CACHD1: variants seen among roughly 807,000 people sequenced by gnomAD.
The protein encoded by CACHD1 is cache domain containing 1.
A neutral mutation model predicts 138.7 loss-of-function variants in CACHD1; 71 were observed. That is an observed-to-expected ratio of 0.51 (90% CI 0.42 to 0.62). The LOEUF (loss-of-function observed/expected upper bound fraction) is 0.62, where lower values mean the gene tolerates loss of function less well. Ranked by LOEUF, CACHD1 falls within the 20% of genes least tolerant of loss-of-function variation. The probability of loss-of-function intolerance (pLI) is 0.00; values close to 1 mark genes in which losing one functional copy is unlikely to be tolerated. For synonymous variants in CACHD1, 578 were observed against 591.5 expected, an observed-to-expected ratio of 0.98 and a Z score of 0.33; for missense variants, 1,389 against 1,625.3, an observed-to-expected ratio of 0.85 and a Z score of 2.50.
intron 26 of CACHD1, among the ~76,000 whole-genome samples, chr1:64,687,692 T>C (rs1650411976): frequency 6.6e-6 from 1 of 152,146 alleles, no homozygotes; most frequent in Middle Eastern, 3.4e-3. Context: ...AATGTCTGCA[T>C]TATTAGATGA....
At chr1:64,568,777 C>G (rs1247162638) in intron 2 of CACHD1, among the ~76,000 whole-genome samples, 3 of 152,140 alleles carry the variant, frequency 2.0e-5, no homozygotes, top group African/African-American at 7.2e-5. Context: ...TACATACACT[C>G]ATGCACACAC....
chr1:64,478,880 G>C (rs1195950934), intron 1 of CACHD1, among the ~76,000 whole-genome samples: 1 of 152,018 alleles, frequency 6.6e-6, no homozygotes, highest in Non-Finnish European at 1.5e-5. Flanking sequence ...TAGCCATGTG[G>C]GTCCAATGTT....
chr1:64,566,162 G>GGT (rs1479319391), intron 2 of CACHD1, among the ~76,000 whole-genome samples: 2 of 152,050 alleles, frequency 1.3e-5, no homozygotes, highest in Non-Finnish European at 2.9e-5. Context: ...GTAGGACATA[G>GGT]GTATGTATTT....
rs1647018741 is a variant in CACHD1, at chr1:64,582,230, A to G, written c.336A>G (p.Ala112=). ...VVNRNKQVVE[A]SYTAHLTSPL... Reference sequence around the variant, plus strand: ...ATCGGAACAAGCAAGTTGTAGAAGCATCCTATACGGCTCACCTAACCTCTC... The same window carrying G: ...ATCGGAACAAGCAAGTTGTAGAAGCGTCCTATACGGCTCACCTAACCTCTC... Residue 112 remains alanine (A), a synonymous_variant, in exon 3 of 27, where the codon GCA becomes GCG. Coordinates refer to ENST00000651257, the MANE Select transcript of CACHD1 (RefSeq NM_020925.4). 5 of 1,614,062 alleles carry G rather than the reference A, an allele frequency of 3.1e-6. No homozygotes were observed. Among genetic ancestry groups the G allele is most frequent in the Non-Finnish European group, 4.2e-6 (5 of 1,179,912 alleles).
rs1646815548 is a variant in CACHD1 at position 64,558,547 on chromosome 1, G to A, written c.261+7891G>A. On this transcript the variant is annotated intron_variant, in intron 2 of 26. Coordinates refer to ENST00000651257, the MANE Select transcript of CACHD1 (RefSeq NM_020925.4). Reference sequence around the variant, plus strand: ...AACCAGTTTGGCTATGAAAATTCTGGAAGACAAGCTAAGCAATAACCATCC... The same window carrying A: ...AACCAGTTTGGCTATGAAAATTCTGAAAGACAAGCTAAGCAATAACCATCC... Among the ~76,000 whole-genome samples, 3 of 152,250 alleles carry A rather than the reference G, an allele frequency of 2.0e-5. No individual in the cohort carries two copies. The South Asian group carries it at 6.2e-4, about 32-fold the overall frequency.
At chr1:64,535,798 C>A (rs2100415591) in intron 1 of CACHD1, among the ~76,000 whole-genome samples, 1 of 152,280 alleles carries the variant, frequency 6.6e-6, no homozygotes, top group East Asian at 1.9e-4. Flanking sequence ...CACATGCTGA[C>A]CTCCCCTGGC....
At chr1:64,564,538 T>G (rs1341285162) in intron 2 of CACHD1, among the ~76,000 whole-genome samples, 6 of 152,172 alleles carry the variant, frequency 3.9e-5, no homozygotes, top group Non-Finnish European at 7.3e-5. Context: ...TTCTCCTGTC[T>G]TATGTCAGTT....
At chr1:64,556,130 G>T (rs2100467652) in intron 2 of CACHD1, among the ~76,000 whole-genome samples, 1 of 152,218 alleles carries the variant, frequency 6.6e-6, no homozygotes, top group East Asian at 1.9e-4. Flanking sequence ...AAAGGTCAAG[G>T]TCTCCAGATT....
At chr1:64,669,085 A>G (rs1649733018) in intron 16 of CACHD1, among the ~76,000 whole-genome samples, 1 of 135,342 alleles carries the variant, frequency 7.4e-6, no homozygotes, top group South Asian at 2.6e-4. Context: ...TTTAAAGATT[A>G]AATTAAATAA....
chr1:64,671,549 C>G lies in CACHD1; in HGVS notation c.2388-15C>G, dbSNP rs372452371. The G allele has an allele frequency of 1.5e-5, 25 of 1,613,582 alleles. No homozygotes were observed. In the African/African-American group the frequency reaches 2.9e-4, roughly 19 times the overall value. On this transcript the variant is annotated splice_polypyrimidine_tract_variant and intron_variant, in intron 16 of 26. Transcript: ENST00000651257. ...AGCCATGCCTATTGTTCTCATTGAT[C>G]TTTTTCACTTAAAGTACACAGCTGT...
At chr1:64,590,183 G>A (rs1367273192) in intron 3 of CACHD1, among the ~76,000 whole-genome samples, 7 of 151,938 alleles carry the variant, frequency 4.6e-5, no homozygotes, top group East Asian at 1.9e-4. Context: ...TTAGCCGGGC[G>A]TGGTGGCAGG....
chr1:64,659,735 A>G (rs969200697), intron 13 of CACHD1, among the ~76,000 whole-genome samples: 2 of 152,360 alleles, frequency 1.3e-5, no homozygotes, highest in Non-Finnish European at 2.9e-5. Flanking sequence ...ACAGTACAGT[A>G]AAACAGGTAT....
chr1:64,600,111 G>A (rs1177881903), intron 3 of CACHD1, among the ~76,000 whole-genome samples: 1 of 152,118 alleles, frequency 6.6e-6, no homozygotes, highest in African/African-American at 2.4e-5. Flanking sequence ...TAGGAGAAAG[G>A]GTTCATAACT....
chr1:64,508,395 G>A (rs1228128991), intron 1 of CACHD1, among the ~76,000 whole-genome samples: 1 of 152,204 alleles, frequency 6.6e-6, no homozygotes, highest in Non-Finnish European at 1.5e-5. Context: ...CTGGTGTGAA[G>A]GTGGGTGAGA....
At chr1:64,622,528 G>T (rs947613666) in intron 4 of CACHD1, among the ~76,000 whole-genome samples, 11 of 152,116 alleles carry the variant, frequency 7.2e-5, no homozygotes, top group Non-Finnish European at 1.2e-4. Flanking sequence ...TAATAAATCT[G>T]TTATTTTGAT....
At chr1:64,601,760 G>T (rs949468462) in intron 3 of CACHD1, among the ~76,000 whole-genome samples, 1 of 152,168 alleles carries the variant, frequency 6.6e-6, no homozygotes, top group Non-Finnish European at 1.5e-5. Context: ...TAGCTTTATA[G>T]CTTCTCTATT....
At chr1:64,648,336 G>A (rs914182197) in intron 9 of CACHD1, among the ~76,000 whole-genome samples, 1 of 152,184 alleles carries the variant, frequency 6.6e-6, no homozygotes, top group East Asian at 1.9e-4. Flanking sequence ...GAAGTGCTGA[G>A]GATTCAGCCT....
chr1:64,632,197 A>T (rs1648329978), intron 5 of CACHD1, among the ~76,000 whole-genome samples: 1 of 150,482 alleles, frequency 6.6e-6, no homozygotes, highest in African/African-American at 2.4e-5. Flanking sequence ...TAACTACTAG[A>T]AGTTTTAAGC....
intron 1 of CACHD1, among the ~76,000 whole-genome samples, chr1:64,489,951 A>G (rs1646264640): frequency 6.6e-6 from 1 of 152,204 alleles, no homozygotes; most frequent in Admixed American, 6.5e-5. Flanking sequence ...CAAGTTAAGT[A>G]CTGGCTATTA....
Sources: gnomAD v4.1 joint callset for allele counts (sites outside exome capture counted in the v4.1 genomes callset) on GRCh38, gnomAD v4.1.1 for gene constraint, MANE v1.5 for transcripts, NCBI Gene and HGNC (gene_info 2026-07-23, HGNC 2026-07-21) for gene names.